The following ZFHX3 variants were observed in gnomAD, a reference collection of about 807,000 sequenced individuals.
The protein encoded by ZFHX3 is zinc finger homeobox protein 3.
ZFHX3 carries 42 observed loss-of-function variants against 279.1 expected under a neutral mutation model. The observed-to-expected ratio is 0.15, with a 90% CI of 0.12 to 0.19. The LOEUF (loss-of-function observed/expected upper bound fraction) is 0.19, where lower values mean the gene tolerates loss of function less well. ZFHX3 is among the 10% of genes least tolerant of loss of function. ZFHX3 has a pLI of 1.00. For synonymous variants in ZFHX3, 2,293 were observed against 1,957.8 expected, an observed-to-expected ratio of 1.17 and a Z score of -4.52; for missense variants, 4,981 against 4,754.0, an observed-to-expected ratio of 1.05 and a Z score of -1.40.
intron 1 of ZFHX3, among the ~76,000 whole-genome samples, chr16:73,878,632 TTC>T (rs1256764340): frequency 6.6e-6 from 1 of 152,114 alleles, no homozygotes; most frequent in African/African-American, 2.4e-5. Context: ...TTCTTTTTTT[TTC>T]TTTTTCTTAA....
In ZFHX3 at chr16:73,867,051, A is replaced by G. The variant is rs536873970; in HGVS notation, c.-1608+24600T>C. ...TATGTCCTTGGCCCAGAGGCATCCCATAGACTGAGAAACAGAGACCTTGGA... is the reference window on the plus strand; with the variant it reads ...TATGTCCTTGGCCCAGAGGCATCCCGTAGACTGAGAAACAGAGACCTTGGA... On this transcript the variant is annotated intron_variant, in intron 1 of 17. Coordinates refer to the ZFHX3 transcript ENST00000641206. 6.6e-5 allele frequency among the ~76,000 whole-genome samples: 10 copies of G among 152,108 alleles called. No homozygotes were observed. The South Asian group carries it at 2.1e-3, about 32-fold the overall frequency.
rs116269660 is a variant in ZFHX3, at chr16:73,676,553, C to T, written c.-1547+3627G>A. Among the ~76,000 whole-genome samples the T allele has an allele frequency of 3.1e-3, 470 of 151,544 alleles. 3 individuals are homozygous for T. The highest frequency in any genetic ancestry group is 0.023 in the East Asian group (120 of 5,166). On this transcript the variant is annotated intron_variant, in intron 2 of 17. Transcript: ENST00000641206. The stretch of plus-strand genomic sequence containing the variant: ...AGTCTATATGCCCAAAGACAGAGAA[C>T]GAAAAATAATAAAAGACACCCAGAG...
chr16:73,816,373 T>C (rs1006076580), intron 1 of ZFHX3, among the ~76,000 whole-genome samples: 1 of 152,178 alleles, frequency 6.6e-6, no homozygotes, highest in African/African-American at 2.4e-5. Flanking sequence ...GACTTGTATC[T>C]AAGTTATGGA....
intron 1 of ZFHX3, among the ~76,000 whole-genome samples, chr16:73,799,292 A>G (rs537140597): frequency 6.6e-6 from 1 of 152,340 alleles, no homozygotes; most frequent in Non-Finnish European, 1.5e-5. Flanking sequence ...GTTTCTGAAC[A>G]TGGGAAGATG....
At chr16:73,108,375 G>T (rs1028084253) in intron 7 of ZFHX3, among the ~76,000 whole-genome samples, 20 of 151,710 alleles carry the variant, frequency 1.3e-4, no homozygotes, top group African/African-American at 4.8e-4. Context: ...ATGATGAGGA[G>T]GAGGAAGACG....
intron 1 of ZFHX3, among the ~76,000 whole-genome samples, chr16:73,022,597 T>TG (rs1391414110): frequency 2.6e-5 from 4 of 152,034 alleles, no homozygotes; most frequent in Non-Finnish European, 4.4e-5. Flanking sequence ...TGCCAAATCT[T>TG]GGGGGGAGGA....
At chr16:73,544,836 C>A (rs1596989981) in intron 2 of ZFHX3, among the ~76,000 whole-genome samples, 1 of 152,236 alleles carries the variant, frequency 6.6e-6, no homozygotes, top group East Asian at 1.9e-4. Flanking sequence ...GACATGACTT[C>A]TTGTTTTCCT....
chr16:73,299,183 CT>C (rs1322119385), intron 4 of ZFHX3, among the ~76,000 whole-genome samples: 1 of 152,150 alleles, frequency 6.6e-6, no homozygotes, highest in Non-Finnish European at 1.5e-5. Context: ...CTAGTACAAT[CT>C]ATACATTTGA....
intron 1 of ZFHX3, among the ~76,000 whole-genome samples, chr16:73,837,848 C>G (rs1439773826): frequency 6.6e-6 from 1 of 152,170 alleles, no homozygotes; most frequent in Non-Finnish European, 1.5e-5. Flanking sequence ...GTTGGTCAGG[C>G]CGGTCTTGAA....
intron 2 of ZFHX3, among the ~76,000 whole-genome samples, chr16:73,545,231 C>T (rs556390248): frequency 1.3e-5 from 2 of 152,296 alleles, no homozygotes; most frequent in Admixed American, 6.5e-5. Context: ...TAAACCTATC[C>T]TGTTGGCAGG....
At chr16:73,734,153 A>C (rs2053590585) in intron 1 of ZFHX3, among the ~76,000 whole-genome samples, 2 of 152,080 alleles carry the variant, frequency 1.3e-5, no homozygotes, top group African/African-American at 4.8e-5. Context: ...CAGGAGGTGG[A>C]GCTCAGGTGG....
chr16:73,648,352 T>TA (rs1567542065), intron 2 of ZFHX3, among the ~76,000 whole-genome samples: 1 of 152,204 alleles, frequency 6.6e-6, no homozygotes, highest in Non-Finnish European at 1.5e-5. Flanking sequence ...AGCTGAGCTT[T>TA]AAAAAACATA....
intron 3 of ZFHX3, among the ~76,000 whole-genome samples, chr16:73,436,727 A>G (rs893339286): frequency 2.7e-5 from 4 of 147,968 alleles, no homozygotes; most frequent in Admixed American, 2.7e-4. Context: ...GTTCTTTGTG[A>G]CTTTGATGCA....
At chr16:73,326,306 G>A (rs1359593413) in intron 3 of ZFHX3, among the ~76,000 whole-genome samples, 2 of 152,174 alleles carry the variant, frequency 1.3e-5, no homozygotes, top group South Asian at 2.1e-4. Flanking sequence ...AACCACATAC[G>A]AAAAGCCTAA....
chr16:73,254,749 A>G (rs2013613875), intron 5 of ZFHX3, among the ~76,000 whole-genome samples: 1 of 152,198 alleles, frequency 6.6e-6, no homozygotes, highest in African/African-American at 2.4e-5. Context: ...TCATTGCAAA[A>G]AGTCACTTAA....
chr16:73,799,481 T>C (rs1161532166), intron 1 of ZFHX3, among the ~76,000 whole-genome samples: 1 of 152,124 alleles, frequency 6.6e-6, no homozygotes, highest in Non-Finnish European at 1.5e-5. Context: ...CATTCTCATC[T>C]GCAAAGATGG....
At chr16:73,685,424 C>A (rs1027887063) in intron 1 of ZFHX3, among the ~76,000 whole-genome samples, 2 of 152,202 alleles carry the variant, frequency 1.3e-5, no homozygotes, top group African/African-American at 4.8e-5. Flanking sequence ...TGAAGCAGGC[C>A]ATGAGCCAAG....
chr16:73,864,466 C>T (rs1961959645), intron 1 of ZFHX3, among the ~76,000 whole-genome samples: 1 of 152,170 alleles, frequency 6.6e-6, no homozygotes, highest in Non-Finnish European at 1.5e-5. Flanking sequence ...TGCCTGTAAT[C>T]CCAGCACTTC....
intron 5 of ZFHX3, among the ~76,000 whole-genome samples, chr16:73,192,038 G>T (rs980126725): frequency 2.6e-5 from 4 of 152,188 alleles, no homozygotes; most frequent in Admixed American, 1.3e-4. Context: ...GTGTGGTGGG[G>T]GGTTCACGCA....
Sources: gnomAD v4.1 joint callset for allele counts (sites outside exome capture counted in the v4.1 genomes callset) on GRCh38, gnomAD v4.1.1 for gene constraint, MANE v1.5 for transcripts, NCBI Gene and HGNC (gene_info 2026-07-23, HGNC 2026-07-21) for gene names.